The following PCDHGA7 variants were observed in gnomAD, a reference collection of about 807,000 sequenced individuals.
PCDHGA7 encodes the protein protocadherin gamma subfamily A, 7, also known as protocadherin gamma-A7.
Under a neutral mutation model 58.3 loss-of-function variants are expected in PCDHGA7, and 44 were observed. That is an observed-to-expected ratio of 0.75 (90% CI 0.59 to 0.97). The LOEUF (loss-of-function observed/expected upper bound fraction) is 0.97. Ranked by LOEUF, PCDHGA7 falls within the 50% of genes least tolerant of loss-of-function variation. The pLI is 0.00. For missense variants in PCDHGA7, 1,266 were observed against 1,188.7 expected (o/e 1.06, Z -0.96); for synonymous variants, 516 against 504.2 (o/e 1.02, Z -0.31).
At chr5:141,445,046 G>A (rs181806844) in intron 1 of PCDHGA7, among the ~76,000 whole-genome samples, 1 of 152,248 alleles carries the variant, frequency 6.6e-6, no homozygotes, top group East Asian at 1.9e-4. Context: ...AGTTTTCAGT[G>A]TAGAGAGGTC....
chr5:141,505,434 A>C lies in PCDHGA7; in HGVS notation c.2525A>C (p.Gln842Pro), dbSNP rs1417754900. 1 of 1,614,198 alleles carries C rather than the reference A, an allele frequency of 6.2e-7. No homozygotes were observed. The highest frequency in any genetic ancestry group is 1.7e-5 in the Admixed American group (1 of 60,032). The change falls in exon 3 of 4, where the codon CAG (glutamine) becomes CCG (proline). Residue 842 changes from glutamine (Q) to proline (P), a missense_variant. Gln to Pro is a moderately conservative substitution (Grantham distance 76). Coordinates refer to ENST00000518325, the MANE Select transcript of PCDHGA7 (RefSeq NM_018920.4). ...GACACCGGCACCTGGCCCAACAACCAGTTTGACACAGAGATGCTGCAAGCC... is the reference window on the plus strand; with the variant it reads ...GACACCGGCACCTGGCCCAACAACCCGTTTGACACAGAGATGCTGCAAGCC... ...GDDTGTWPNN[Q>P]FDTEMLQAMI...
Position 141,486,151 on chromosome 5 carries a change from T to C in PCDHGA7, c.2425-8656T>C, listed in dbSNP as rs570065848. The C allele has an allele frequency of 2.7e-5, 44 of 1,613,914 alleles. No individual in the cohort carries two copies. In the South Asian group the frequency reaches 4.3e-4, roughly 16 times the overall value. ...TTGATGTGCGGGCTCGCGATGGGGGTTCTCCAGCCATGGAGCAACATTGCA... is the reference window on the plus strand; with the variant it reads ...TTGATGTGCGGGCTCGCGATGGGGGCTCTCCAGCCATGGAGCAACATTGCA... On this transcript the variant is annotated intron_variant, in intron 1 of 3. Transcript: ENST00000518325. The surrounding 1 kb of genome is among the most constrained non-coding windows in gnomAD (Gnocchi z 5.0).
chr5:141,403,688 A>T (rs1385402830), intron 1 of PCDHGA7: 1 of 1,613,836 alleles, frequency 6.2e-7, no homozygotes, highest in Non-Finnish European at 8.5e-7. Flanking sequence ...TGCTCAACGG[A>T]TTTACCGAGT....
At chr5:141,390,230 A>T (rs2092091822) in intron 1 of PCDHGA7, 1 of 1,614,072 alleles carries the variant, frequency 6.2e-7, no homozygotes, top group Admixed American at 1.7e-5. Flanking sequence ...GCGGTGATTC[A>T]TCTGGGGCCT....
chr5:141,468,419 G>A (rs1733006381), intron 1 of PCDHGA7: 1 of 151,826 alleles, frequency 6.6e-6, no homozygotes, highest in Admixed American at 6.6e-5. Flanking sequence ...AAGTTAGATA[G>A]CAAGGTAATA....
intron 2 of PCDHGA7, 76 bp from the exon 3 acceptor site, chr5:141,505,317 G>T: frequency 6.2e-7 from 1 of 1,603,092 alleles, no homozygotes. Flanking sequence ...AGGTTTGGGA[G>T]CCCTGGGAGA....
At chr5:141,388,668 C>G in intron 1 of PCDHGA7, 1 of 1,613,882 alleles carries the variant, frequency 6.2e-7, no homozygotes, top group Non-Finnish European at 8.5e-7. Flanking sequence ...GACCACGGTG[C>G]TACAGGTGAC....
chr5:141,476,551 C>A lies in PCDHGA7; in HGVS notation c.2425-18256C>A, dbSNP rs367700651. 6.2e-7 allele frequency: 1 copy of A among 1,614,196 alleles called. No individual in the cohort carries two copies. The highest frequency in any genetic ancestry group is 1.7e-5 in the Admixed American group (1 of 60,028). ...CCCAGGAAATGAAATTGGAGATTAG[C>A]GAGGCCGTGGCTCCGGGGACGCGCT... On this transcript the variant is annotated intron_variant, in intron 1 of 3. Transcript: ENST00000518325. This position sits in a 1 kb window ranked among gnomAD's most constrained non-coding sequence, Gnocchi z 7.6.
At chr5:141,472,980 C>CAA (rs60579131) in intron 1 of PCDHGA7, among the ~76,000 whole-genome samples, 188 of 86,094 alleles carry the variant, frequency 2.2e-3, no homozygotes, top group Non-Finnish European at 3.2e-3. Flanking sequence ...GAGTGAAACT[C>CAA]AAAAAAAAAA....
chr5:141,466,989 G>C, intron 1 of PCDHGA7, among the ~76,000 whole-genome samples: 1 of 150,922 alleles, frequency 6.6e-6, no homozygotes. Context: ...TTTACCTTTT[G>C]GCATTTTTTT....
intron 1 of PCDHGA7, among the ~76,000 whole-genome samples, chr5:141,473,380 G>A (rs1363453338): frequency 6.6e-6 from 1 of 152,204 alleles, no homozygotes; most frequent in African/African-American, 2.4e-5. Context: ...CATGGTCCCT[G>A]CCCTCCTGGA....
At chr5:141,510,795 G>A in intron 3 of PCDHGA7, 152 bp from the exon 4 acceptor site, 6 of 1,465,214 alleles carry the variant, frequency 4.1e-6, no homozygotes, top group Non-Finnish European at 5.5e-6. Context: ...CTTGTGAAGA[G>A]AGACTACCTT....
intron 1 of PCDHGA7, among the ~76,000 whole-genome samples, chr5:141,471,913 G>A (rs1307168228): frequency 6.6e-6 from 1 of 152,164 alleles, no homozygotes. Context: ...CAAGCATGAG[G>A]GAAATTTTGG....
intron 1 of PCDHGA7, chr5:141,475,832 T>C: frequency 2.4e-6 from 1 of 410,610 alleles, no homozygotes; most frequent in Non-Finnish European, 4.4e-6. Flanking sequence ...CTAGCGCGTG[T>C]CCTGCTCAGA....
chr5:141,502,615 A>G (rs2099815317), intron 2 of PCDHGA7, among the ~76,000 whole-genome samples: 1 of 152,218 alleles, frequency 6.6e-6, no homozygotes, highest in Non-Finnish European at 1.5e-5. Context: ...TTGTGAAAAT[A>G]TAAGTAATCT....
Position 141,511,409 on chromosome 5 carries a change from G to C in PCDHGA7, c.*236G>C, listed in dbSNP as rs999907393. On this transcript the variant is annotated 3_prime_UTR_variant, in exon 4 of 4. Coordinates refer to ENST00000518325, the MANE Select transcript of PCDHGA7 (RefSeq NM_018920.4). Reference sequence around the variant, plus strand: ...GGGAACCCCCATCCAATCAACTGCTGTACCCATGGGGGTAGTGGGGTTACT... The same window carrying C: ...GGGAACCCCCATCCAATCAACTGCTCTACCCATGGGGGTAGTGGGGTTACT... The C allele has an allele frequency of 1.1e-6, 1 of 908,516 alleles. No homozygotes were observed. The highest frequency in any genetic ancestry group is 1.7e-5 in the African/African-American group (1 of 59,504). The allele number at this position is 908,516 out of a possible 1,614,324, so 56.3% of individuals were successfully genotyped here.
intron 1 of PCDHGA7, among the ~76,000 whole-genome samples, chr5:141,464,913 A>T (rs1035542028): frequency 1.3e-4 from 19 of 151,426 alleles, no homozygotes; most frequent in Admixed American, 1.2e-3. Context: ...TAATTTTTTT[A>T]TTTTTTTGTA....
At chr5:141,420,391 G>C in intron 1 of PCDHGA7, 1 of 1,270,636 alleles carries the variant, frequency 7.9e-7, no homozygotes, top group Non-Finnish European at 1.0e-6. Flanking sequence ...GCAAAATATA[G>C]GTCAAATTTA....
At chr5:141,427,999 T>C (rs1319115693) in intron 1 of PCDHGA7, 9 of 1,601,068 alleles carry the variant, frequency 5.6e-6, no homozygotes, top group African/African-American at 1.3e-5. Context: ...GGCTCCGCAC[T>C]CTTCGATATA....
Sources: gnomAD v4.1 joint callset for allele counts (sites outside exome capture counted in the v4.1 genomes callset) on GRCh38, gnomAD v4.1.1 for gene constraint, Gnocchi (gnomAD v3.1) non-coding constraint, MANE v1.5 for transcripts, NCBI Gene and HGNC (gene_info 2026-07-23, HGNC 2026-07-21) for gene names.